Variants in TTLL11 observed in about 807,000 individuals in gnomAD.
TTLL11 encodes the protein tubulin polyglutamylase TTLL11.
TTLL11 carries 42 observed loss-of-function variants against 51.7 expected under a neutral mutation model. That is an observed-to-expected ratio of 0.81 (90% CI 0.64 to 1.05). The LOEUF is 1.05. Ranked by LOEUF, TTLL11 falls within the 50% of genes least tolerant of loss-of-function variation. The pLI is 0.00. For synonymous variants in TTLL11, 381 were observed against 383.5 expected (o/e 0.99, Z 0.08); for missense variants, 799 against 940.4 (o/e 0.85, Z 1.97).
intron 3 of TTLL11, among the ~76,000 whole-genome samples, chr9:121,991,438 C>G (rs1007220336): frequency 1.3e-5 from 2 of 152,154 alleles, no homozygotes; most frequent in African/African-American, 4.8e-5. Flanking sequence ...GCAACTGTGA[C>G]CTTGACGTTT....
At position 121,819,502 on chromosome 9, in the gene TTLL11, T is replaced by C. The variant is rs1836508673; in HGVS notation, c.*3085A>G. ...TGAGCTTGATCTTCTTACCCGTTCATTCCAAGCCCCCGGAGTGCCCAGCTC... is the reference window on the plus strand; with the variant it reads ...TGAGCTTGATCTTCTTACCCGTTCACTCCAAGCCCCCGGAGTGCCCAGCTC... On this transcript the variant is annotated 3_prime_UTR_variant, in exon 9 of 9. Coordinates refer to ENST00000321582, the MANE Select transcript of TTLL11 (RefSeq NM_001139442.2). The C allele has an allele frequency of 6.6e-6, 1 of 152,466 alleles. No homozygotes were observed. The allele number at this position is 152,466 out of a possible 1,614,324, so 9.4% of individuals were successfully genotyped here.
Position 121,822,907 on chromosome 9 carries a change from G to A in TTLL11, c.1841-28C>T. The A allele has an allele frequency of 2.0e-6, 3 of 1,531,534 alleles. No homozygotes were observed. Among genetic ancestry groups the A allele is most frequent in the Non-Finnish European group, 2.6e-6 (3 of 1,136,912 alleles). The allele number at this position is 1,531,534 out of a possible 1,614,324, so 94.9% of individuals were successfully genotyped here. ...GTGAACAAAGAGACTGGATGAGGGGGTGCACACAGCTGCCCTACGCTGCCC... is the reference window on the plus strand; with the variant it reads ...GTGAACAAAGAGACTGGATGAGGGGATGCACACAGCTGCCCTACGCTGCCC... On this transcript the variant is annotated intron_variant, in intron 8 of 8. Transcript: ENST00000321582. The surrounding 1 kb of genome is among the most constrained non-coding windows in gnomAD (Gnocchi z 5.8).
intron 1 of TTLL11, among the ~76,000 whole-genome samples, chr9:122,063,243 C>A (rs1845485559): frequency 6.6e-6 from 1 of 152,184 alleles, no homozygotes; most frequent in South Asian, 2.1e-4. Flanking sequence ...AATAATTTTA[C>A]ATTTTACCTT....
chr9:121,873,614 G>GCCTCCT (rs71370698), intron 6 of TTLL11, among the ~76,000 whole-genome samples: 1 of 144,048 alleles, frequency 6.9e-6, no homozygotes, highest in South Asian at 2.3e-4. Flanking sequence ...GCCCAGTCCC[G>GCCTCCT]CCTCCTCCTC....
At chr9:121,824,392 C>T (rs1178109587) in intron 8 of TTLL11, among the ~76,000 whole-genome samples, 1 of 148,656 alleles carries the variant, frequency 6.7e-6, no homozygotes, top group East Asian at 2.0e-4. Context: ...GGGGGAAACG[C>T]TTGAACCAGG....
chr9:122,007,853 A>G (rs1041009636), intron 3 of TTLL11, among the ~76,000 whole-genome samples: 21 of 152,360 alleles, frequency 1.4e-4, no homozygotes, highest in Non-Finnish European at 2.4e-4. Flanking sequence ...GTATCTTCCC[A>G]CAAGATACTT....
intron 7 of TTLL11, among the ~76,000 whole-genome samples, chr9:121,866,558 G>A (rs1838180257): frequency 1.3e-5 from 2 of 151,428 alleles, no homozygotes; most frequent in Admixed American, 1.3e-4. Flanking sequence ...TACTCAGGAG[G>A]CTGAGACAGG....
chr9:121,870,507 T>G lies in TTLL11; in HGVS notation c.1723A>C (p.Thr575Pro). 3.9e-6 allele frequency: 6 copies of G among 1,551,472 alleles called. No individual in the cohort carries two copies. Among genetic ancestry groups the G allele is most frequent in the Non-Finnish European group, 5.2e-6 (6 of 1,146,930 alleles). Reference sequence around the variant, plus strand: ...GCTGTTCTCACTGACCTTATGAAGGTACGAAAGCCTGTTGGCCCCAACTTC... The same window carrying G: ...GCTGTTCTCACTGACCTTATGAAGGGACGAAAGCCTGTTGGCCCCAACTTC... ...TMKLGPTGFRTFIRSCKLSSS... is the reference protein window; with the variant it reads ...TMKLGPTGFRPFIRSCKLSSS... Residue 575 changes from threonine to proline, a missense_variant, in exon 7 of 9, where the codon ACC becomes CCC. Coordinates refer to ENST00000321582, the MANE Select transcript of TTLL11 (RefSeq NM_001139442.2).
At chr9:122,040,122 G>T (rs1844810106) in intron 1 of TTLL11, among the ~76,000 whole-genome samples, 1 of 152,106 alleles carries the variant, frequency 6.6e-6, no homozygotes, top group Non-Finnish European at 1.5e-5. Context: ...AAAAGCCAGG[G>T]CAGGGCAGCT....
At chr9:121,947,017 A>G (rs1841694433) in intron 6 of TTLL11, among the ~76,000 whole-genome samples, 1 of 152,100 alleles carries the variant, frequency 6.6e-6, no homozygotes, top group South Asian at 2.1e-4. Context: ...CAATTTATAC[A>G]TAGAAACTCA....
intron 8 of TTLL11, among the ~76,000 whole-genome samples, chr9:121,840,226 A>G (rs1449878314): frequency 1.3e-5 from 2 of 152,308 alleles, no homozygotes; most frequent in Admixed American, 1.3e-4. Context: ...CAACCGCAAG[A>G]GAAGAATTAG....
intron 3 of TTLL11, among the ~76,000 whole-genome samples, chr9:122,025,217 C>G (rs1844295406): frequency 6.6e-6 from 1 of 151,964 alleles, no homozygotes; most frequent in Non-Finnish European, 1.5e-5. Context: ...ATCTGGATGG[C>G]AAACAAGCAC....
At chr9:121,851,364 A>G (rs576122580) in intron 8 of TTLL11, among the ~76,000 whole-genome samples, 1 of 152,378 alleles carries the variant, frequency 6.6e-6, no homozygotes, top group African/African-American at 2.4e-5. Flanking sequence ...TCCATTAATT[A>G]TAACAGCACA....
chr9:121,955,517 T>C (rs554208646), intron 6 of TTLL11, among the ~76,000 whole-genome samples: 1 of 152,282 alleles, frequency 6.6e-6, no homozygotes, highest in East Asian at 1.9e-4. Context: ...ACAATAATCT[T>C]GTTAGGTGGC....
At chr9:121,887,170 C>T (rs1366652748) in intron 6 of TTLL11, among the ~76,000 whole-genome samples, 16 of 152,154 alleles carry the variant, frequency 1.1e-4, no homozygotes, top group Admixed American at 5.9e-4. Flanking sequence ...TTCACTGAAG[C>T]GAATATCTCT....
chr9:121,825,492 C>G (rs181319730), intron 8 of TTLL11, among the ~76,000 whole-genome samples: 2 of 152,206 alleles, frequency 1.3e-5, no homozygotes, highest in Non-Finnish European at 2.9e-5. Context: ...TATAATAGCA[C>G]GTCTTCCTCT....
At chr9:122,047,137 A>T (rs909672955) in intron 1 of TTLL11, among the ~76,000 whole-genome samples, 2 of 152,230 alleles carry the variant, frequency 1.3e-5, no homozygotes, top group Non-Finnish European at 1.5e-5. Context: ...ACCCCGTGTC[A>T]GGTGACCACC....
intron 6 of TTLL11, among the ~76,000 whole-genome samples, chr9:121,893,461 T>C (rs374695642): frequency 2.6e-5 from 4 of 152,334 alleles, no homozygotes; most frequent in Admixed American, 6.5e-5. Context: ...AGTTAGGTAC[T>C]ATTATCCCCA....
chr9:121,941,184 A>G (rs1228350163), intron 6 of TTLL11, among the ~76,000 whole-genome samples: 4 of 152,236 alleles, frequency 2.6e-5, no homozygotes, highest in Non-Finnish European at 5.9e-5. Context: ...CTAAAATTGC[A>G]GTCAATTTTA....
Sources: allele counts gnomAD v4.1 joint callset (sites outside exome capture counted in the v4.1 genomes callset), GRCh38; gene constraint gnomAD v4.1.1; non-coding constraint Gnocchi (gnomAD v3.1); transcripts MANE v1.5; gene names NCBI Gene and HGNC (gene_info 2026-07-23, HGNC 2026-07-21).